The following PCDHGA6 variants were observed in gnomAD, a reference collection of about 807,000 sequenced individuals.
PCDHGA6 encodes the protein protocadherin gamma subfamily A, 6, also known as protocadherin gamma-A6.
A neutral mutation model predicts 60.6 loss-of-function variants in PCDHGA6; 41 were observed. That is an observed-to-expected ratio of 0.68 (90% confidence interval 0.53 to 0.88). PCDHGA6 has a LOEUF of 0.88. PCDHGA6 is among the 40% of genes least tolerant of loss of function. The pLI, the probability that PCDHGA6 is intolerant of heterozygous loss-of-function variation, is 0.00. For missense variants in PCDHGA6, 1,312 were observed against 1,203.0 expected, an observed-to-expected ratio of 1.09 and a Z score of -1.34; for synonymous variants, 594 against 524.4, an observed-to-expected ratio of 1.13 and a Z score of -1.81.
Position 141,491,590 on chromosome 5 carries a change from G to A in PCDHGA6, c.2425-3217G>A, listed in dbSNP as rs376104513. ...GACGTGCTTTTCACCGGCCTCGGAC[G>A]GCAGTGACTTCACTTTTCTAAGACC... On this transcript the variant is annotated intron_variant, in intron 1 of 3. Transcript: ENST00000517434. The surrounding 1 kb of genome is among the most constrained non-coding windows in gnomAD (Gnocchi z 6.9). 15 of 1,613,828 alleles carry A rather than the reference G, an allele frequency of 9.3e-6. No homozygotes were observed. In the African/African-American group the frequency reaches 2.0e-4, roughly 22 times the overall value.
At chr5:141,433,256 C>G (rs760130587) in intron 1 of PCDHGA6, 2 of 1,385,666 alleles carry the variant, frequency 1.4e-6, no homozygotes, top group Non-Finnish European at 2.0e-6. Context: ...TGCAGCGGTA[C>G]GATCATAGCT....
chr5:141,414,408 C>A (rs1190630924), intron 1 of PCDHGA6: 1 of 1,613,752 alleles, frequency 6.2e-7, no homozygotes, highest in Non-Finnish European at 8.5e-7. Context: ...TGGTGATACA[C>A]AGAGCCCTTG....
intron 1 of PCDHGA6, chr5:141,478,873 T>C: frequency 7.8e-7 from 1 of 1,274,424 alleles, no homozygotes; most frequent in African/African-American, 1.5e-5. Context: ...GATCAGAGTT[T>C]AGCTTGGTAT....
chr5:141,388,978 C>T, intron 1 of PCDHGA6: 1 of 1,613,972 alleles, frequency 6.2e-7, no homozygotes, highest in Non-Finnish European at 8.5e-7. Context: ...ACACATATTG[C>T]TTTGCTCAAA....
At chr5:141,414,670 A>G in intron 1 of PCDHGA6, 1 of 1,613,894 alleles carries the variant, frequency 6.2e-7, no homozygotes. Context: ...GGCTGAAGAC[A>G]CCATCCAGGG....
At position 141,491,257 on chromosome 5, in the gene PCDHGA6, G is replaced by GAAAT. The variant is rs1562145331; in HGVS notation, c.2425-3549_2425-3546dup. On this transcript the variant is annotated intron_variant, in intron 1 of 3. Transcript: ENST00000517434. The surrounding 1 kb of genome is among the most constrained non-coding windows in gnomAD (Gnocchi z 6.9). ...GGTTCTGGAGGATGAGGACCCTGAG[G>GAAAT]AAATGCCCAAATCCAGTGACTTCCT... is the stretch of plus-strand genomic sequence containing the variant. 6.2e-7 allele frequency: 1 copy of GAAAT among 1,614,170 alleles called. No individual in the cohort carries two copies. Among genetic ancestry groups the GAAAT allele is most frequent in the East Asian group, 2.2e-5 (1 of 44,884 alleles).
chr5:141,437,820 C>T (rs973577605), intron 1 of PCDHGA6, among the ~76,000 whole-genome samples: 4 of 151,904 alleles, frequency 2.6e-5, no homozygotes, highest in Non-Finnish European at 5.9e-5. Flanking sequence ...TCACTGCAAC[C>T]TCTGCCTCCT....
Position 141,490,845 on chromosome 5 carries a change from G to T in PCDHGA6, c.2425-3962G>T, listed in dbSNP as rs748605746. The T allele has an allele frequency of 1.4e-5, 22 of 1,613,726 alleles. No individual in the cohort carries two copies. The highest frequency in any genetic ancestry group is 1.7e-5 in the Non-Finnish European group (20 of 1,179,894). On this transcript the variant is annotated intron_variant, in intron 1 of 3. Coordinates refer to ENST00000517434, the MANE Select transcript of PCDHGA6 (RefSeq NM_018919.3). This position sits in a 1 kb window ranked among gnomAD's most constrained non-coding sequence, Gnocchi z 5.4. ...TGCAGATGCTGCAGATTGTGGTGGG[G>T]GTTCGAGACTCCGGCTCTCCCCCAT...
intron 1 of PCDHGA6, chr5:141,392,843 C>T (rs77141792): frequency 0.027 from 43,247 of 1,608,962 alleles, 854 homozygotes; most frequent in African/African-American, 0.093. Context: ...GCCCCAGACG[C>T]GGCGAGCTGA....
chr5:141,408,974 G>C lies in PCDHGA6; in HGVS notation c.2424+32467G>C, dbSNP rs899313364. 8.7e-6 allele frequency: 14 copies of C among 1,613,690 alleles called. No individual in the cohort carries two copies. In the African/African-American group the frequency reaches 1.9e-4, roughly 22 times the overall value. On this transcript the variant is annotated intron_variant, in intron 1 of 3. Transcript: ENST00000517434. ...TAGTCTTAGTGAAAATCTGCCCCCT[G>C]GGTCCCCTGTGTTGCAAGTGACAGC...
intron 1 of PCDHGA6, chr5:141,428,464 G>A (rs904800167): frequency 1.1e-4 from 37 of 344,652 alleles, no homozygotes; most frequent in African/African-American, 6.3e-4. Context: ...CTACAATGAG[G>A]GAACTTTGCT....
At chr5:141,409,484 G>A in intron 1 of PCDHGA6, 1 of 1,613,974 alleles carries the variant, frequency 6.2e-7, no homozygotes, top group Non-Finnish European at 8.5e-7. Flanking sequence ...CACTGACAGG[G>A]GCAAGCCGCC....
intron 1 of PCDHGA6, chr5:141,394,998 G>C: frequency 2.5e-6 from 4 of 1,614,010 alleles, no homozygotes; most frequent in Non-Finnish European, 3.4e-6. Context: ...CCAGGATTCC[G>C]GTGGCAGATT....
intron 1 of PCDHGA6, among the ~76,000 whole-genome samples, chr5:141,462,363 G>C (rs1425898350): frequency 6.6e-6 from 1 of 152,132 alleles, no homozygotes; most frequent in Non-Finnish European, 1.5e-5. Context: ...ACATTGTATA[G>C]TTTCTATTCT....
Position 141,489,784 on chromosome 5 carries a change from G to A in PCDHGA6, c.2425-5023G>A. 1 of 1,614,218 alleles carries A rather than the reference G, an allele frequency of 6.2e-7. No individual in the cohort carries two copies. Among genetic ancestry groups the A allele is most frequent in the Non-Finnish European group, 8.5e-7 (1 of 1,180,010 alleles). On this transcript the variant is annotated intron_variant, in intron 1 of 3. Transcript: ENST00000517434. This position sits in a 1 kb window ranked among gnomAD's most constrained non-coding sequence, Gnocchi z 4.5. ...CCCCAACAGCCACTTCTCTCTGAAT[G>A]TGAAGACCCTAAAAGATGGGAAGCC...
chr5:141,506,246 C>T (rs1049014492), intron 3 of PCDHGA6, among the ~76,000 whole-genome samples: 3 of 151,958 alleles, frequency 2.0e-5, no homozygotes, highest in South Asian at 4.2e-4. Context: ...GTCAGGAGTT[C>T]GAAACCGGCC....
intron 1 of PCDHGA6, among the ~76,000 whole-genome samples, chr5:141,438,655 T>C (rs1436221152): frequency 7.1e-6 from 1 of 140,042 alleles, no homozygotes; most frequent in Non-Finnish European, 1.5e-5. Flanking sequence ...CACACACATA[T>C]ATGTATATAT....
At chr5:141,408,815 C>T (rs770899981) in intron 1 of PCDHGA6, 1 of 1,613,406 alleles carries the variant, frequency 6.2e-7, no homozygotes, top group Non-Finnish European at 8.5e-7. Flanking sequence ...CCGGGAAGAA[C>T]AGAGATCTCA....
At chr5:141,496,817 T>C (rs2099771666) in intron 2 of PCDHGA6, among the ~76,000 whole-genome samples, 1 of 151,020 alleles carries the variant, frequency 6.6e-6, no homozygotes, top group Non-Finnish European at 1.5e-5. Flanking sequence ...AGTGAACAAG[T>C]AGATGTGATC....
Sources: gnomAD v4.1 joint callset for allele counts (sites outside exome capture counted in the v4.1 genomes callset) on GRCh38, gnomAD v4.1.1 for gene constraint, Gnocchi (gnomAD v3.1) non-coding constraint, MANE v1.5 for transcripts, NCBI Gene and HGNC (gene_info 2026-07-23, HGNC 2026-07-21) for gene names.